Variants in SGCZ observed in about 807,000 individuals in gnomAD.
The protein encoded by SGCZ is zeta-sarcoglycan.
SGCZ carries 40 observed loss-of-function variants against 41.3 expected under a neutral mutation model. That is an observed-to-expected ratio of 0.97 (90% CI 0.75 to 1.26). The LOEUF is 1.26. Among genes scored for constraint, SGCZ ranks in the 50% most tolerant of loss-of-function variants. The probability of loss-of-function intolerance (pLI) is 0.00; values close to 1 mark genes in which losing one functional copy is unlikely to be tolerated. For synonymous variants in SGCZ, 206 were observed against 137.5 expected (o/e 1.50, Z -3.49); for missense variants, 552 against 369.8 (o/e 1.49, Z -4.04).
intron 3 of SGCZ, among the ~76,000 whole-genome samples, chr8:14,283,804 G>C (rs1800529704): frequency 6.6e-6 from 1 of 152,328 alleles, no homozygotes; most frequent in Middle Eastern, 3.4e-3. Context: ...GCCATAGGCA[G>C]TGCCATCAAC....
intron 3 of SGCZ, among the ~76,000 whole-genome samples, chr8:14,283,700 G>A (rs533115228): frequency 1.1e-4 from 17 of 152,252 alleles, no homozygotes; most frequent in Admixed American, 1.0e-3. Context: ...GAGTCAGCAA[G>A]CTTTTTCTGC....
chr8:14,871,937 T>C (rs1477844013), intron 1 of SGCZ, among the ~76,000 whole-genome samples: 1 of 151,218 alleles, frequency 6.6e-6, no homozygotes, highest in Non-Finnish European at 1.5e-5. Flanking sequence ...TATATATGTA[T>C]ATGTGTATAT....
chr8:14,802,482 T>C (rs1801352998), intron 1 of SGCZ, among the ~76,000 whole-genome samples: 1 of 152,182 alleles, frequency 6.6e-6, no homozygotes, highest in Non-Finnish European at 1.5e-5. Context: ...GATACTCCCA[T>C]GGAGGAACCA....
rs541996952 is a variant in SGCZ at position 15,116,098 on chromosome 8, C to T, written c.39+121487G>A. ...CCAATCAAAAACTTATTCACAAAAA[C>T]TGGTGTGGTCAGATTTGGTCTGCAG... On this transcript the variant is annotated intron_variant, in intron 1 of 7. Coordinates refer to ENST00000382080, the MANE Select transcript of SGCZ (RefSeq NM_139167.4). Among the ~76,000 whole-genome samples, 5 of 152,224 alleles carry T rather than the reference C, an allele frequency of 3.3e-5. No homozygotes were observed. In the East Asian group the frequency reaches 9.7e-4, roughly 29 times the overall value.
intron 2 of SGCZ, among the ~76,000 whole-genome samples, chr8:14,443,583 G>C (rs913847422): frequency 6.6e-6 from 1 of 152,164 alleles, no homozygotes; most frequent in Non-Finnish European, 1.5e-5. Flanking sequence ...TTTAAGAAAT[G>C]GTGCTGGGAA....
chr8:14,770,545 A>G (rs1800201285), intron 1 of SGCZ, among the ~76,000 whole-genome samples: 1 of 152,120 alleles, frequency 6.6e-6, no homozygotes, highest in East Asian at 1.9e-4. Context: ...ATGTTCTCAC[A>G]TAAAATATCT....
At chr8:14,424,859 T>C (rs950033821) in intron 2 of SGCZ, among the ~76,000 whole-genome samples, 1 of 152,200 alleles carries the variant, frequency 6.6e-6, no homozygotes, top group Non-Finnish European at 1.5e-5. Context: ...CCTGGCTGAT[T>C]TGAACGGCTG....
At chr8:14,523,059 A>G (rs1010367863) in intron 2 of SGCZ, among the ~76,000 whole-genome samples, 10 of 151,976 alleles carry the variant, frequency 6.6e-5, no homozygotes, top group African/African-American at 2.4e-5. Flanking sequence ...GTTTGAATGA[A>G]GTGTGGAAAA....
At chr8:14,490,605 A>G (rs1474769865) in intron 2 of SGCZ, among the ~76,000 whole-genome samples, 1 of 152,238 alleles carries the variant, frequency 6.6e-6, no homozygotes, top group Non-Finnish European at 1.5e-5. Context: ...TAAAATTCAT[A>G]GAAATAAGTG....
chr8:14,166,333 C>T (rs976869276), intron 4 of SGCZ, among the ~76,000 whole-genome samples: 2 of 152,064 alleles, frequency 1.3e-5, no homozygotes, highest in East Asian at 1.9e-4. Flanking sequence ...AACATTATTT[C>T]GACAGCTTGT....
intron 2 of SGCZ, among the ~76,000 whole-genome samples, chr8:14,378,052 G>T (rs1359017318): frequency 1.3e-5 from 2 of 149,512 alleles, no homozygotes; most frequent in Non-Finnish European, 3.0e-5. Flanking sequence ...CCCAGTAATG[G>T]GATGGCTGGG....
chr8:14,439,724 A>C lies in SGCZ; in HGVS notation c.234+115008T>G, dbSNP rs74438849. On this transcript the variant is annotated intron_variant, in intron 2 of 7. Transcript: ENST00000382080. Reference sequence around the variant, plus strand: ...AGAATAAAATTGACAAATTAACACAAATTTGTGGTAATAACTCTTAGGAAA... The same window carrying C: ...AGAATAAAATTGACAAATTAACACACATTTGTGGTAATAACTCTTAGGAAA... Among the ~76,000 whole-genome samples, 1,158 of 152,060 alleles carry C rather than the reference A, an allele frequency of 7.6e-3. 24 individuals are homozygous for C. Among genetic ancestry groups the C allele is most frequent in the African/African-American group, 0.027 (1,110 of 41,532 alleles).
intron 1 of SGCZ, among the ~76,000 whole-genome samples, chr8:14,819,823 G>A (rs1802019541): frequency 1.3e-5 from 2 of 152,032 alleles, no homozygotes. Context: ...AAGATTTTAT[G>A]TTAGCACAAT....
At chr8:14,807,440 A>C (rs1283080581) in intron 1 of SGCZ, among the ~76,000 whole-genome samples, 2 of 152,178 alleles carry the variant, frequency 1.3e-5, no homozygotes, top group Non-Finnish European at 2.9e-5. Context: ...CCAAGAGCAG[A>C]CAAACAGAGA....
At chr8:15,125,902 T>C (rs921195534) in intron 1 of SGCZ, among the ~76,000 whole-genome samples, 1 of 152,148 alleles carries the variant, frequency 6.6e-6, no homozygotes, top group African/African-American at 2.4e-5. Flanking sequence ...TCCCAGCAGT[T>C]TGGGAAGCCA....
At chr8:15,001,954 G>A (rs1223923149) in intron 1 of SGCZ, among the ~76,000 whole-genome samples, 1 of 152,072 alleles carries the variant, frequency 6.6e-6, no homozygotes, top group Non-Finnish European at 1.5e-5. Flanking sequence ...GCTTTTGAGG[G>A]TTGAATAAAG....
intron 3 of SGCZ, among the ~76,000 whole-genome samples, chr8:14,308,436 C>G (rs973527459): frequency 6.6e-6 from 1 of 151,908 alleles, no homozygotes; most frequent in African/African-American, 2.4e-5. Context: ...GAGTGTACGA[C>G]AAGAAAAGCA....
chr8:14,307,281 A>G (rs1032360776), intron 3 of SGCZ, among the ~76,000 whole-genome samples: 2 of 152,184 alleles, frequency 1.3e-5, no homozygotes, highest in Non-Finnish European at 2.9e-5. Flanking sequence ...AGACTAGACC[A>G]TGTAATTCAG....
intron 4 of SGCZ, among the ~76,000 whole-genome samples, chr8:14,215,275 A>G (rs570600635): frequency 6.6e-6 from 1 of 152,294 alleles, no homozygotes; most frequent in African/African-American, 2.4e-5. Flanking sequence ...ATAGACAAAG[A>G]AGTCTCAAAA....
Sources: gnomAD v4.1 joint callset for allele counts (sites outside exome capture counted in the v4.1 genomes callset) on GRCh38, gnomAD v4.1.1 for gene constraint, MANE v1.5 for transcripts, NCBI Gene and HGNC (gene_info 2026-07-23, HGNC 2026-07-21) for gene names.